ZC3H12B: variants seen among roughly 807,000 people sequenced by gnomAD.
ZC3H12B encodes zinc finger CCCH-type containing 12B.
In ZC3H12B, 7 loss-of-function variants were observed where a neutral mutation model predicts 43.9. The ratio of observed to expected loss-of-function variants is 0.16; its 90% CI spans 0.09 to 0.30. The LOEUF (loss-of-function observed/expected upper bound fraction) is 0.30, where lower values mean the gene tolerates loss of function less well. ZC3H12B is among the 10% of genes least tolerant of loss of function. ZC3H12B has a pLI of 1.00. For synonymous variants in ZC3H12B, 222 were observed against 241.7 expected, an observed-to-expected ratio of 0.92 and a Z score of 0.76; for missense variants, 475 against 670.2, an observed-to-expected ratio of 0.71 and a Z score of 3.22.
chrX:65,222,086 T>G, the ZC3H12B span, among the ~76,000 whole-genome samples: 1 of 111,247 alleles, frequency 9.0e-6, no homozygotes, highest in Non-Finnish European at 1.9e-5. Context: ...TAAACAGAAT[T>G]AAAAACAAAA....
the ZC3H12B span, among the ~76,000 whole-genome samples, chrX:65,051,829 T>G: frequency 1.8e-5 from 2 of 110,523 alleles, no homozygotes; most frequent in Non-Finnish European, 3.8e-5. Context: ...TAAGAAATGA[T>G]TGACTGGGGA....
At chrX:65,429,139 T>C (rs900765536) in intron 3 of ZC3H12B, among the ~76,000 whole-genome samples, 3 of 112,291 alleles carry the variant, frequency 2.7e-5, no homozygotes, top group Non-Finnish European at 5.6e-5. Context: ...GGAAGTTCCA[T>C]CCCAGGAGGT....
the ZC3H12B span, among the ~76,000 whole-genome samples, chrX:65,346,109 G>GA: frequency 9.0e-6 from 1 of 110,798 alleles, no homozygotes; most frequent in Admixed American, 9.7e-5. Flanking sequence ...TCACAGAATA[G>GA]AAAAAAATAT....
chrX:65,350,496 G>GA, the ZC3H12B span, among the ~76,000 whole-genome samples: 3 of 111,276 alleles, frequency 2.7e-5, no homozygotes, highest in East Asian at 2.8e-4. Flanking sequence ...GCAAGAGAAA[G>GA]AAAAAAATTG....
At chrX:65,230,306 T>C in the ZC3H12B span, among the ~76,000 whole-genome samples, 1 of 109,697 alleles carries the variant, frequency 9.1e-6, no homozygotes, top group Non-Finnish European at 1.9e-5. Context: ...AACATGCATT[T>C]TCTCACTCAT....
At chrX:65,190,762 C>T in the ZC3H12B span, among the ~76,000 whole-genome samples, 1 of 106,538 alleles carries the variant, frequency 9.4e-6, no homozygotes, top group Non-Finnish European at 1.9e-5. Flanking sequence ...AATTTGACTT[C>T]CTCTTTTCCT....
At chrX:65,158,203 T>C in the ZC3H12B span, among the ~76,000 whole-genome samples, 1 of 110,103 alleles carries the variant, frequency 9.1e-6, no homozygotes, top group Non-Finnish European at 1.9e-5. Flanking sequence ...TCCAAGTCTT[T>C]GCTATTGTGA....
chrX:65,162,449 G>A, the ZC3H12B span, among the ~76,000 whole-genome samples: 1 of 111,543 alleles, frequency 9.0e-6, no homozygotes, highest in South Asian at 3.8e-4. Flanking sequence ...CTTATTTCCT[G>A]GAGGCTTTGT....
the ZC3H12B span, among the ~76,000 whole-genome samples, chrX:65,067,347 C>G: frequency 2.7e-5 from 3 of 111,683 alleles, no homozygotes; most frequent in Admixed American, 9.4e-5. Context: ...GCTGGATAGC[C>G]CCATTCCTCA....
chrX:65,433,195 T>C (rs759795356), intron 3 of ZC3H12B, among the ~76,000 whole-genome samples: 1 of 112,672 alleles, frequency 8.9e-6, no homozygotes, highest in Admixed American at 9.4e-5. Flanking sequence ...TTTAAGTTTA[T>C]AATAATCTTC....
the ZC3H12B span, among the ~76,000 whole-genome samples, chrX:65,122,578 A>G: frequency 9.0e-6 from 1 of 111,647 alleles, no homozygotes; most frequent in African/African-American, 3.3e-5. Context: ...CAATTAAAAG[A>G]GACAGACTGG....
the ZC3H12B span, among the ~76,000 whole-genome samples, chrX:65,060,667 T>G: frequency 3.6e-5 from 4 of 112,104 alleles, no homozygotes; most frequent in Non-Finnish European, 7.5e-5. Flanking sequence ...TTTTCTTTTT[T>G]TGATCTATCT....
chrX:65,327,095 C>A, the ZC3H12B span, among the ~76,000 whole-genome samples: 1 of 111,193 alleles, frequency 9.0e-6, no homozygotes, highest in Non-Finnish European at 1.9e-5. Flanking sequence ...AATAAAATTA[C>A]TATATGATCC....
chrX:65,113,949 G>C, the ZC3H12B span, among the ~76,000 whole-genome samples: 9 of 91,629 alleles, frequency 9.8e-5, no homozygotes, highest in African/African-American at 2.9e-4. Context: ...TTAGGCAGTT[G>C]TGTGGAACTG....
the ZC3H12B span, among the ~76,000 whole-genome samples, chrX:65,119,811 A>T: frequency 1.8e-5 from 2 of 111,825 alleles, no homozygotes; most frequent in Non-Finnish European, 3.8e-5. Context: ...TCCATCCTGA[A>T]TTAATTTTTG....
the ZC3H12B span, among the ~76,000 whole-genome samples, chrX:65,216,058 A>T: frequency 9.0e-6 from 1 of 111,237 alleles, no homozygotes; most frequent in African/African-American, 3.3e-5. Context: ...ATCAAGAAGA[A>T]GGCAGAGCAG....
At chrX:65,172,539 A>G in the ZC3H12B span, among the ~76,000 whole-genome samples, 4 of 112,206 alleles carry the variant, frequency 3.6e-5, no homozygotes, top group African/African-American at 9.7e-5. Context: ...GTTTTCTTCT[A>G]GGATTTTTAT....
At chrX:65,181,911 C>G in the ZC3H12B span, among the ~76,000 whole-genome samples, 2 of 111,663 alleles carry the variant, frequency 1.8e-5, no homozygotes, top group Non-Finnish European at 3.8e-5. Flanking sequence ...TGTATATACC[C>G]AAAGGATTAT....
At chrX:65,124,892 C>A in the ZC3H12B span, among the ~76,000 whole-genome samples, 1 of 111,248 alleles carries the variant, frequency 9.0e-6, no homozygotes, top group Non-Finnish European at 1.9e-5. Flanking sequence ...CTTGGTTAAT[C>A]TCATTAATGG....
Sources: gnomAD v4.1 joint callset for allele counts (sites outside exome capture counted in the v4.1 genomes callset) on GRCh38, gnomAD v4.1.1 for gene constraint, MANE v1.5 for transcripts, NCBI Gene and HGNC (gene_info 2026-07-23, HGNC 2026-07-21) for gene names.